Variants in ARRDC4 observed in about 807,000 individuals in gnomAD.
ARRDC4 encodes arrestin domain containing 4, also known as arrestin domain-containing protein 4.
Under a neutral mutation model 44.6 loss-of-function variants are expected in ARRDC4, and 40 were observed. That is an observed-to-expected ratio of 0.90 (90% CI 0.70 to 1.17). The LOEUF (loss-of-function observed/expected upper bound fraction) is 1.17. ARRDC4 is among the 50% of genes most tolerant of loss of function. The probability of loss-of-function intolerance (pLI) is 0.00; values close to 1 mark genes in which losing one functional copy is unlikely to be tolerated. For synonymous variants in ARRDC4, 211 were observed against 221.2 expected, an observed-to-expected ratio of 0.95 and a Z score of 0.41; for missense variants, 550 against 559.1, an observed-to-expected ratio of 0.98 and a Z score of 0.16.
intron 4 of ARRDC4, 77 bp from the exon 5 acceptor site, chr15:97,969,046 C>T (rs532512763): frequency 7.1e-7 from 1 of 1,416,886 alleles, no homozygotes; most frequent in East Asian, 2.3e-5. Flanking sequence ...AACATTTCAG[C>T]TATACGGCCC....
chr15:97,971,473 G>T lies in ARRDC4; in HGVS notation c.*286G>T, dbSNP rs1037379137. The T allele has an allele frequency of 1.0e-5, 4 of 399,530 alleles. No individual in the cohort carries two copies. The highest frequency in any genetic ancestry group is 4.6e-6 in the Non-Finnish European group (1 of 215,806). The allele number at this position is 399,530 out of a possible 1,614,324, so 24.7% of individuals were successfully genotyped here. A position where few individuals can be genotyped will look rare whatever the true frequency, so the allele number is the denominator to read the frequency against. ...TGATGGTTACAGAGTAAGTGAAAGGGTGCCTGCGCTGACGTGAGAGAAAGG... is the reference window on the plus strand; with the variant it reads ...TGATGGTTACAGAGTAAGTGAAAGGTTGCCTGCGCTGACGTGAGAGAAAGG... On this transcript the variant is annotated 3_prime_UTR_variant, in exon 8 of 8. Transcript: ENST00000268042.
In ARRDC4 at chr15:97,966,141, G is replaced by A; in HGVS notation, c.522+99G>A. Reference sequence around the variant, plus strand: ...TCTATATTTAGCCAGTTTACTGGTAGTCTGTCCTGTCACTTTCTGATGGCT... The same window carrying A: ...TCTATATTTAGCCAGTTTACTGGTAATCTGTCCTGTCACTTTCTGATGGCT... On this transcript the variant is annotated intron_variant, in intron 3 of 7. Coordinates refer to ENST00000268042, the MANE Select transcript of ARRDC4 (RefSeq NM_183376.3). The surrounding 1 kb of genome is among the most constrained non-coding windows in gnomAD (Gnocchi z 4.7). 7.5e-7 allele frequency: 1 copy of A among 1,338,756 alleles called. No individual in the cohort carries two copies. The highest frequency in any genetic ancestry group is 1.0e-6 in the Non-Finnish European group (1 of 973,742). The allele number at this position is 1,338,756 out of a possible 1,614,324, so 82.9% of individuals were successfully genotyped here. A position where few individuals can be genotyped will look rare whatever the true frequency, so the allele number is the denominator to read the frequency against.
intron 4 of ARRDC4, 72 bp from the exon 5 acceptor site, chr15:97,969,051 C>T (rs761805243): frequency 1.6e-5 from 24 of 1,462,898 alleles, no homozygotes; most frequent in East Asian, 4.6e-5. Context: ...TTCAGCTATA[C>T]GGCCCTAATC....
At position 97,970,029 on chromosome 15, in the gene ARRDC4, G is replaced by C; in HGVS notation, c.1029G>C (p.Leu343=). 2 of 1,609,036 alleles carry C rather than the reference G, an allele frequency of 1.2e-6. No individual in the cohort carries two copies. The highest frequency in any genetic ancestry group is 4.5e-5 in the East Asian group (2 of 44,826). Residue 343 remains leucine, a synonymous_variant, in exon 6 of 8, where the codon CTG becomes CTC. Coordinates refer to ENST00000268042, the MANE Select transcript of ARRDC4 (RefSeq NM_183376.3). The surrounding 1 kb of genome is among the most constrained non-coding windows in gnomAD (Gnocchi z 4.2). ...SMDMSWLTLT[L]PEQPEAPPNY... ...ATATGAGCTGGTTGACACTGACCCT[G>C]CCAGAGCAGCCTGAAGGTAAAATAT...
chr15:97,964,305 G>T (rs1432621642), intron 1 of ARRDC4, among the ~76,000 whole-genome samples: 1 of 151,736 alleles, frequency 6.6e-6, no homozygotes, highest in African/African-American at 2.4e-5. Context: ...TTAGTGAATG[G>T]ATAAAGTAGA....
At position 97,971,167 on chromosome 15, in the gene ARRDC4, C is replaced by T. The variant is rs371493898; in HGVS notation, c.1237C>T (p.Pro413Ser). 55 of 1,613,202 alleles carry T rather than the reference C, an allele frequency of 3.4e-5. No individual in the cohort carries two copies. The highest frequency in any genetic ancestry group is 1.8e-4 in the Admixed American group (11 of 59,990). The change falls in exon 8 of 8, where the codon CCT (proline) becomes TCT (serine). Residue 413 changes from proline (P) to serine (S), a missense_variant. Transcript: ENST00000268042. ...TCCTAGCGACGTAGAAGAGAGCCAG[C>T]CTGTTTCCTTCATTCTCTGAACGTA... ...PHPSDVEESQ[P>S]VSFIL
chr15:97,960,733 C>G lies in ARRDC4; in HGVS notation c.-129C>G, dbSNP rs1002680994. The G allele has an allele frequency of 1.1e-5, 9 of 814,290 alleles. No individual in the cohort carries two copies. The Admixed American group carries it at 3.1e-4, about 28-fold the overall frequency. The allele number at this position is 814,290 out of a possible 1,614,324, so 50.4% of individuals were successfully genotyped here. A position where few individuals can be genotyped will look rare whatever the true frequency, so the allele number is the denominator to read the frequency against. ...GCCTCTCGGCGAGCCGGTGCCCCAT[C>G]GGGTACCGCACGGCTGCCGCGGCGG... is the stretch of plus-strand genomic sequence containing the variant. On this transcript the variant is annotated 5_prime_UTR_variant, in exon 1 of 8. The change creates a new upstream start codon in the 5' untranslated region. Coordinates refer to ENST00000268042, the MANE Select transcript of ARRDC4 (RefSeq NM_183376.3).
chr15:97,965,515 T>C lies in ARRDC4; in HGVS notation c.308-85T>C. ...TGCTGCATTTTGTAGCGAGAAAAAC[T>C]TCCTTCAAAAAATTATTTACATTGT... On this transcript the variant is annotated intron_variant, in intron 1 of 7. Coordinates refer to ENST00000268042, the MANE Select transcript of ARRDC4 (RefSeq NM_183376.3). This position sits in a 1 kb window ranked among gnomAD's most constrained non-coding sequence, Gnocchi z 5.1. 8.3e-7 allele frequency: 1 copy of C among 1,204,840 alleles called. No individual in the cohort carries two copies. The highest frequency in any genetic ancestry group is 1.2e-6 in the Non-Finnish European group (1 of 821,074). 74.6% of individuals were successfully genotyped at this position (1,204,840 alleles called of 1,614,324 possible).
Position 97,972,328 on chromosome 15 carries a change from G to A in ARRDC4, c.*1141G>A, listed in dbSNP as rs73463481. 1.3e-5 allele frequency: 2 copies of A among 152,596 alleles called. No individual in the cohort carries two copies. The highest frequency in any genetic ancestry group is 6.5e-5 in the Admixed American group (1 of 15,268). The allele number at this position is 152,596 out of a possible 1,614,324, so 9.5% of individuals were successfully genotyped here. On this transcript the variant is annotated 3_prime_UTR_variant, in exon 8 of 8. Coordinates refer to ENST00000268042, the MANE Select transcript of ARRDC4 (RefSeq NM_183376.3). This position sits in a 1 kb window ranked among gnomAD's most constrained non-coding sequence, Gnocchi z 5.3. ...GACACAACTTTAATTCCTGTCAAGAGACCTAGGTCTACTGATGGCAGTCAC... is the reference window on the plus strand; with the variant it reads ...GACACAACTTTAATTCCTGTCAAGAAACCTAGGTCTACTGATGGCAGTCAC...
At position 97,967,232 on chromosome 15, in the gene ARRDC4, T is replaced by A. The variant is rs1596305354; in HGVS notation, c.523-782T>A. ...TTTTATGACCATTGTGGGAATTGAT[T>A]TAAAGGGATTTGTCTTTGCCAAAAA... On this transcript the variant is annotated intron_variant, in intron 3 of 7. Coordinates refer to ENST00000268042, the MANE Select transcript of ARRDC4 (RefSeq NM_183376.3). The surrounding 1 kb of genome is among the most constrained non-coding windows in gnomAD (Gnocchi z 5.0). Among the ~76,000 whole-genome samples the A allele has an allele frequency of 6.6e-6, 1 of 152,316 alleles. No individual in the cohort carries two copies. The highest frequency in any genetic ancestry group is 1.9e-4 in the East Asian group (1 of 5,190).
In ARRDC4 at chr15:97,970,964, T is replaced by C. The variant is rs1223278278; in HGVS notation, c.1201-167T>C. On this transcript the variant is annotated intron_variant, in intron 7 of 7. Coordinates refer to ENST00000268042, the MANE Select transcript of ARRDC4 (RefSeq NM_183376.3). This position sits in a 1 kb window ranked among gnomAD's most constrained non-coding sequence, Gnocchi z 4.2. ...ATCAGATACAGTATTGTGGATTGCCTTTAAGGTGTGTTATTTGGCCATGGA... is the reference window on the plus strand; with the variant it reads ...ATCAGATACAGTATTGTGGATTGCCCTTAAGGTGTGTTATTTGGCCATGGA... Among the ~76,000 whole-genome samples, 1 of 152,140 alleles carries C rather than the reference T, an allele frequency of 6.6e-6. No individual in the cohort carries two copies. The highest frequency in any genetic ancestry group is 2.4e-5 in the African/African-American group (1 of 41,444).
At chr15:97,961,245 G>A (rs1899311622) in intron 1 of ARRDC4, 77 bp downstream of exon 1, 1 of 1,267,204 alleles carries the variant, frequency 7.9e-7, no homozygotes, top group East Asian at 3.2e-5. Flanking sequence ...GCGCACCCTC[G>A]GGATGCCCAC....
chr15:97,963,784 T>TA (rs1219197421), intron 1 of ARRDC4, among the ~76,000 whole-genome samples: 5 of 152,342 alleles, frequency 3.3e-5, no homozygotes, highest in African/African-American at 1.2e-4. Context: ...TCAAATGAAA[T>TA]ACACATTTCA....
chr15:97,969,820 A>ACC (rs1407962250), intron 5 of ARRDC4, 63 bp from the exon 6 acceptor site: 1 of 1,418,332 alleles, frequency 7.1e-7, no homozygotes, highest in East Asian at 2.3e-5. Context: ...TAATTGGGCT[A>ACC]CCTACTGGAG....
At position 97,969,852 on chromosome 15, in the gene ARRDC4, T is replaced by TTC. The variant is rs201734388; in HGVS notation, c.883-27_883-26dup. 4.8e-4 allele frequency: 719 copies of TTC among 1,500,710 alleles called. 2 individuals are homozygous for TTC. Among genetic ancestry groups the TTC allele is most frequent in the African/African-American group, 3.7e-3 (213 of 57,654 alleles). The allele number at this position is 1,500,710 out of a possible 1,614,324, so 93.0% of individuals were successfully genotyped here. The stretch of plus-strand genomic sequence containing the variant: ...GGAGGTGTAGCTTACATTTGTTCCT[T>TTC]TCTCTTTTTTTTTTTTTTTTGGCTT... On this transcript the variant is annotated intron_variant, in intron 5 of 7. Coordinates refer to ENST00000268042, the MANE Select transcript of ARRDC4 (RefSeq NM_183376.3).
At position 97,965,841 on chromosome 15, in the gene ARRDC4, G is replaced by A; in HGVS notation, c.375-54G>A. 1 of 1,569,574 alleles carries A rather than the reference G, an allele frequency of 6.4e-7. No individual in the cohort carries two copies. The highest frequency in any genetic ancestry group is 8.7e-7 in the Non-Finnish European group (1 of 1,155,966). On this transcript the variant is annotated intron_variant, in intron 2 of 7. Transcript: ENST00000268042. The surrounding 1 kb of genome is among the most constrained non-coding windows in gnomAD (Gnocchi z 5.1). Reference sequence around the variant, plus strand: ...AAACATTTTAAACCATGCTTTTTTTGGCTTTGTTTAACTGAAAAGTAAACT... The same window carrying A: ...AAACATTTTAAACCATGCTTTTTTTAGCTTTGTTTAACTGAAAAGTAAACT...
chr15:97,965,823 T>C lies in ARRDC4; in HGVS notation c.375-72T>C. On this transcript the variant is annotated intron_variant, in intron 2 of 7. Coordinates refer to ENST00000268042, the MANE Select transcript of ARRDC4 (RefSeq NM_183376.3). The surrounding 1 kb of genome is among the most constrained non-coding windows in gnomAD (Gnocchi z 5.1). Reference sequence around the variant, plus strand: ...TTTTTTATTTCCAACCTAAAACATTTTAAACCATGCTTTTTTTGGCTTTGT... The same window carrying C: ...TTTTTTATTTCCAACCTAAAACATTCTAAACCATGCTTTTTTTGGCTTTGT... The C allele has an allele frequency of 1.3e-6, 2 of 1,568,574 alleles. No homozygotes were observed. Among genetic ancestry groups the C allele is most frequent in the South Asian group, 2.3e-5 (2 of 87,626 alleles).
At position 97,965,831 on chromosome 15, in the gene ARRDC4, T is replaced by A. The variant is rs946381461; in HGVS notation, c.375-64T>A. On this transcript the variant is annotated intron_variant, in intron 2 of 7. Transcript: ENST00000268042. The surrounding 1 kb of genome is among the most constrained non-coding windows in gnomAD (Gnocchi z 5.1). ...TTCCAACCTAAAACATTTTAAACCATGCTTTTTTTGGCTTTGTTTAACTGA... is the reference window on the plus strand; with the variant it reads ...TTCCAACCTAAAACATTTTAAACCAAGCTTTTTTTGGCTTTGTTTAACTGA... The A allele has an allele frequency of 6.4e-7, 1 of 1,565,286 alleles. No homozygotes were observed. The highest frequency in any genetic ancestry group is 1.5e-5 in the African/African-American group (1 of 65,520).
Position 97,970,739 on chromosome 15 carries a change from C to T in ARRDC4, c.1196C>T (p.Ser399Leu). Residue 399 changes from serine to leucine, a missense_variant, in exon 7 of 8, where the codon TCA becomes TTA. Coordinates refer to ENST00000268042, the MANE Select transcript of ARRDC4 (RefSeq NM_183376.3). This position sits in a 1 kb window ranked among gnomAD's most constrained non-coding sequence, Gnocchi z 4.2. The part of the protein sequence containing the change: ...EFRFQPPPLY[S>L]EVDPHPSDVE... Reference sequence around the variant, plus strand: ...CGGTTTCAACCCCCACCTCTTTATTCAGAGGTAAGCAAAGCAAAAGAAAAT... The same window carrying T: ...CGGTTTCAACCCCCACCTCTTTATTTAGAGGTAAGCAAAGCAAAAGAAAAT... 6.2e-7 allele frequency: 1 copy of T among 1,604,224 alleles called. No individual in the cohort carries two copies. The highest frequency in any genetic ancestry group is 8.5e-7 in the Non-Finnish European group (1 of 1,176,926).
Sources: gnomAD v4.1 joint callset for allele counts (sites outside exome capture counted in the v4.1 genomes callset) on GRCh38, gnomAD v4.1.1 for gene constraint, Gnocchi (gnomAD v3.1) non-coding constraint, MANE v1.5 for transcripts, NCBI Gene and HGNC (gene_info 2026-07-23, HGNC 2026-07-21) for gene names.